Variants in COL14A1 observed in about 807,000 individuals in gnomAD.
COL14A1 encodes the protein collagen alpha-1(XIV) chain.
A neutral mutation model predicts 230.3 loss-of-function variants in COL14A1; 136 were observed. That is an observed-to-expected ratio of 0.59 (90% confidence interval 0.51 to 0.68). The LOEUF (loss-of-function observed/expected upper bound fraction) is 0.68, where lower values mean the gene tolerates loss of function less well. Ranked by LOEUF, COL14A1 falls within the 30% of genes least tolerant of loss-of-function variation. COL14A1 has a pLI of 0.00. For missense variants in COL14A1, 1,976 were observed against 2,215.8 expected (o/e 0.89, Z 2.17); for synonymous variants, 792 against 784.1 (o/e 1.01, Z -0.17).
rs1208503956 is a variant in COL14A1 at position 120,255,669 on chromosome 8, C to T, written c.2869+313C>T. Reference sequence around the variant, plus strand: ...TAGTGCTTTGTGCACTGGAAGGACCCCAAAAATGTTAGCAGCCAGATAGCC... The same window carrying T: ...TAGTGCTTTGTGCACTGGAAGGACCTCAAAAATGTTAGCAGCCAGATAGCC... On this transcript the variant is annotated intron_variant, in intron 23 of 47. Transcript: ENST00000297848. Among the ~76,000 whole-genome samples the T allele has an allele frequency of 2.6e-5, 4 of 152,160 alleles. No homozygotes were observed. The East Asian group carries it at 7.7e-4, about 29-fold the overall frequency.
At chr8:120,183,323 A>G (rs929204584) in intron 5 of COL14A1, among the ~76,000 whole-genome samples, 4 of 152,176 alleles carry the variant, frequency 2.6e-5, no homozygotes, top group African/African-American at 9.7e-5. Context: ...AAATAATCTT[A>G]AAATTTAGGT....
At chr8:120,273,724 C>G (rs971438212) in intron 26 of COL14A1, among the ~76,000 whole-genome samples, 4 of 151,228 alleles carry the variant, frequency 2.6e-5, no homozygotes, top group Non-Finnish European at 4.4e-5. Context: ...ACAACAACCC[C>G]CCTAGATTAA....
In COL14A1 at chr8:120,209,893, GA is replaced by G; in HGVS notation, c.1464del (p.Glu489ArgfsTer2). 11 of 1,600,858 alleles carry G rather than the reference GA, an allele frequency of 6.9e-6. No individual in the cohort carries two copies. The highest frequency in any genetic ancestry group is 9.4e-6 in the Non-Finnish European group (11 of 1,175,424). On this transcript the variant is annotated frameshift_variant, in exon 12 of 48. Transcript: ENST00000297848. LOFTEE classifies it high-confidence loss of function. Reference sequence around the variant, plus strand: ...TCTAACAGAGGGCCTGGCTGGGGATGAAAAAGAGGTAACCACTTCCTACCTA... The same window carrying G: ...TCTAACAGAGGGCCTGGCTGGGGATGAAAAGAGGTAACCACTTCCTACCTA... ...APLTEGLAGD[E>X]KEMKIGETHT...
chr8:120,334,585 A>C lies in COL14A1; in HGVS notation c.4785+1850A>C, dbSNP rs897527. On this transcript the variant is annotated intron_variant, in intron 42 of 47. Coordinates refer to ENST00000297848, the MANE Select transcript of COL14A1 (RefSeq NM_021110.4). Reference sequence around the variant, plus strand: ...AAAAATGCATGCGTTCACACACAAAAACACACACACACACACACACACACA... The same window carrying C: ...AAAAATGCATGCGTTCACACACAAACACACACACACACACACACACACACA... Among the ~76,000 whole-genome samples, 466 of 144,726 alleles carry C rather than the reference A, an allele frequency of 3.2e-3. 1 individual carries two copies. Among genetic ancestry groups the C allele is most frequent in the African/African-American group, 5.0e-3 (197 of 39,204 alleles). 94.9% of individuals were successfully genotyped at this position (144,726 alleles called of 152,430 possible).
chr8:120,289,318 G>T (rs1337812279), intron 33 of COL14A1, among the ~76,000 whole-genome samples: 1 of 152,152 alleles, frequency 6.6e-6, no homozygotes, highest in Non-Finnish European at 1.5e-5. Context: ...CAGCAGTCCT[G>T]TAATTTCAAA....
At chr8:120,151,997 T>A (rs974149704) in intron 2 of COL14A1, among the ~76,000 whole-genome samples, 1 of 151,968 alleles carries the variant, frequency 6.6e-6, no homozygotes, top group Non-Finnish European at 1.5e-5. Context: ...GGCAAGACAA[T>A]GATTGATTCT....
At chr8:120,337,622 C>T (rs1007071628) in intron 42 of COL14A1, among the ~76,000 whole-genome samples, 3 of 151,992 alleles carry the variant, frequency 2.0e-5, no homozygotes, top group Admixed American at 6.6e-5. Context: ...TTCCTTCCAG[C>T]GCTAAAATTC....
At chr8:120,269,162 A>G (rs1819584997) in intron 25 of COL14A1, among the ~76,000 whole-genome samples, 1 of 151,820 alleles carries the variant, frequency 6.6e-6, no homozygotes, top group Non-Finnish European at 1.5e-5. Flanking sequence ...CAATTGGCCT[A>G]AGATTAAAAG....
At chr8:120,278,285 A>G in intron 27 of COL14A1, 51 bp downstream of exon 27, 1 of 1,543,278 alleles carries the variant, frequency 6.5e-7, no homozygotes, top group Non-Finnish European at 8.7e-7. Flanking sequence ...ATTATTTGTA[A>G]CTACTGAAAT....
rs138988098 is a variant in COL14A1 at position 120,345,538 on chromosome 8, C to T, written c.5052C>T (p.Gly1684=). 11 of 1,562,360 alleles carry T rather than the reference C, an allele frequency of 7.0e-6. No individual in the cohort carries two copies. In the Admixed American group the frequency reaches 8.5e-5, roughly 12 times the overall value. ...PGTPGFPGNA[G]VPGTPGERGL... The stretch of plus-strand genomic sequence containing the variant: ...CACCAGGCTTCCCCGGAAATGCAGG[C>T]GTGCCAGGGACCCCAGGAGAACGAG... Residue 1684 remains glycine (G), a synonymous_variant, in exon 45 of 48, where the codon GGC becomes GGT. Coordinates refer to ENST00000297848, the MANE Select transcript of COL14A1 (RefSeq NM_021110.4).
chr8:120,248,319 T>A (rs1315132669), intron 21 of COL14A1, among the ~76,000 whole-genome samples: 2 of 152,030 alleles, frequency 1.3e-5, no homozygotes, highest in Non-Finnish European at 2.9e-5. Context: ...CTTGAAGGCA[T>A]GAAAATGATA....
chr8:120,199,601 G>T, intron 8 of COL14A1, 35 bp downstream of exon 8: 1 of 1,585,294 alleles, frequency 6.3e-7, no homozygotes, highest in South Asian at 1.2e-5. Context: ...TCAACTAAGG[G>T]CATAGACCCA....
chr8:120,255,849 A>G (rs1563699633), intron 23 of COL14A1, among the ~76,000 whole-genome samples: 1 of 151,944 alleles, frequency 6.6e-6, no homozygotes, highest in Non-Finnish European at 1.5e-5. Flanking sequence ...TAATGTATCT[A>G]CAGCATCATG....
At chr8:120,200,326 T>C (rs1375683910) in intron 8 of COL14A1, among the ~76,000 whole-genome samples, 2 of 152,090 alleles carry the variant, frequency 1.3e-5, no homozygotes, top group African/African-American at 4.8e-5. Flanking sequence ...ACATATTTAA[T>C]TATTTTATTT....
intron 5 of COL14A1, among the ~76,000 whole-genome samples, chr8:120,185,488 C>G (rs1816622684): frequency 6.6e-6 from 1 of 152,032 alleles, no homozygotes; most frequent in Admixed American, 6.6e-5. Flanking sequence ...GACCCCATCT[C>G]TACAAAAATT....
chr8:120,222,636 A>G (rs1817966120), intron 14 of COL14A1, among the ~76,000 whole-genome samples: 1 of 152,170 alleles, frequency 6.6e-6, no homozygotes, highest in Non-Finnish European at 1.5e-5. Flanking sequence ...TTTGACCTAC[A>G]GACGTGTAGA....
chr8:120,293,373 A>G (rs1820430014), intron 34 of COL14A1, among the ~76,000 whole-genome samples: 1 of 151,968 alleles, frequency 6.6e-6, no homozygotes, highest in Non-Finnish European at 1.5e-5. Flanking sequence ...TAAAAAATAT[A>G]GTATATTTTC....
chr8:120,236,390 G>T (rs1818446060), intron 19 of COL14A1, among the ~76,000 whole-genome samples: 1 of 151,056 alleles, frequency 6.6e-6, no homozygotes, highest in Non-Finnish European at 1.5e-5. Flanking sequence ...TGTCTTTTTT[G>T]ATCTTTGTTG....
At chr8:120,323,050 C>G (rs1821513954) in intron 40 of COL14A1, among the ~76,000 whole-genome samples, 1 of 152,210 alleles carries the variant, frequency 6.6e-6, no homozygotes. Flanking sequence ...TTCTCCACAA[C>G]TTCTCCAGCA....
Sources: allele counts gnomAD v4.1 joint callset (sites outside exome capture counted in the v4.1 genomes callset), GRCh38; gene constraint gnomAD v4.1.1; transcripts MANE v1.5; gene names NCBI Gene and HGNC (gene_info 2026-07-23, HGNC 2026-07-21).